ATXN2: variants seen among roughly 807,000 people sequenced by gnomAD.
The protein encoded by ATXN2 is ataxin-2.
A neutral mutation model predicts 138.6 loss-of-function variants in ATXN2; 37 were observed. That is an observed-to-expected ratio of 0.27 (90% CI 0.21 to 0.35). The LOEUF (loss-of-function observed/expected upper bound fraction) is 0.35. Among genes scored for constraint, ATXN2 ranks in the 10% least tolerant of loss-of-function variants. The pLI is 1.00. For missense variants in ATXN2, 1,216 were observed against 1,480.3 expected (o/e 0.82, Z 2.93); for synonymous variants, 549 against 543.7 (o/e 1.01, Z -0.13).
upstream of ATXN2, chr12:111,599,485 A>T (rs775766002): frequency 8.2e-7 from 1 of 1,213,938 alleles, no homozygotes; most frequent in South Asian, 3.6e-5. Context: ...CCACCGCGGG[A>T]CTCCGAGGAG....
chr12:111,545,293 G>A (rs762992992), intron 5 of ATXN2, among the ~76,000 whole-genome samples: 5 of 150,774 alleles, frequency 3.3e-5, no homozygotes, highest in Non-Finnish European at 5.9e-5. Context: ...TGGTATAAAA[G>A]AGCAAGGAGA....
At chr12:111,581,390 T>G in intron 1 of ATXN2, 1 of 680,628 alleles carries the variant, frequency 1.5e-6, no homozygotes, top group Non-Finnish European at 2.7e-6. Flanking sequence ...TGAACCACAA[T>G]GTCCAAACCT....
intron 20 of ATXN2, chr12:111,468,684 A>T (rs759536006): frequency 6.7e-6 from 1 of 149,420 alleles, no homozygotes; most frequent in Non-Finnish European, 1.5e-5. Context: ...GTTTGCCAGA[A>T]ATCTGTAAAT....
At chr12:111,471,874 C>T (rs993570299) in intron 18 of ATXN2, 1 of 151,968 alleles carries the variant, frequency 6.6e-6, no homozygotes, top group East Asian at 1.9e-4. Context: ...TTATTACCTT[C>T]CTGTATATTT....
At chr12:111,599,611 G>C, upstream of ATXN2, 1 of 1,079,582 alleles carries the variant, frequency 9.3e-7, no homozygotes, top group Non-Finnish European at 1.1e-6. Flanking sequence ...CAGAACGTGA[G>C]GTGGCCCCGG....
intron 21 of ATXN2, 159 bp from the exon 22 acceptor site, chr12:111,457,518 G>C: frequency 1.3e-6 from 1 of 761,850 alleles, no homozygotes. Context: ...CCATTGTCTT[G>C]AAAAAATAAG....
At chr12:111,510,363 C>T in intron 12 of ATXN2, 22 bp downstream of exon 12, 1 of 1,605,796 alleles carries the variant, frequency 6.2e-7, no homozygotes, top group Non-Finnish European at 8.5e-7. Context: ...GATTATGGAT[C>T]CAGAAGCCCT....
intron 1 of ATXN2, among the ~76,000 whole-genome samples, chr12:111,586,681 C>T (rs1015443458): frequency 2.0e-5 from 3 of 151,850 alleles, no homozygotes; most frequent in African/African-American, 4.8e-5. Flanking sequence ...CCACCACGCC[C>T]GGCCCTTTTT....
At chr12:111,584,681 T>G (rs1002240010) in intron 1 of ATXN2, among the ~76,000 whole-genome samples, 25 of 151,698 alleles carry the variant, frequency 1.6e-4, no homozygotes, top group African/African-American at 5.3e-4. Context: ...AATACAAAAA[T>G]TAGGCCGGGC....
chr12:111,510,124 T>G (rs1465906172), intron 12 of ATXN2, 126 bp from the exon 13 acceptor site: 1 of 785,740 alleles, frequency 1.3e-6, no homozygotes, highest in Non-Finnish European at 2.0e-6. Context: ...GAGGCTTTTT[T>G]TCCTTTGCAG....
intron 18 of ATXN2, among the ~76,000 whole-genome samples, chr12:111,472,558 A>G (rs944162014): frequency 6.6e-6 from 1 of 152,018 alleles, no homozygotes; most frequent in African/African-American, 2.4e-5. Context: ...CTTAAAGATA[A>G]ACTTTATTTT....
In ATXN2 at chr12:111,585,542, C is replaced by T. The variant is rs375693618; in HGVS notation, c.251+13242G>A. Among the ~76,000 whole-genome samples the T allele has an allele frequency of 2.7e-5, 4 of 150,498 alleles. No homozygotes were observed. The East Asian group carries it at 7.8e-4, about 29-fold the overall frequency. On this transcript the variant is annotated intron_variant, in intron 1 of 24. Transcript: ENST00000673436. ...AAAAAAAGCCAGGTGCGGTGGCTCA[C>T]GCCTGTGGTCCCGGCACTTTGGGAG...
intron 14 of ATXN2, among the ~76,000 whole-genome samples, chr12:111,492,469 G>A (rs867501629): frequency 6.6e-6 from 1 of 152,190 alleles, no homozygotes; most frequent in African/African-American, 2.4e-5. Flanking sequence ...AGATCACGAG[G>A]TTAGGAGTTC....
chr12:111,494,359 G>A (rs916268256), intron 14 of ATXN2, among the ~76,000 whole-genome samples: 1 of 151,490 alleles, frequency 6.6e-6, no homozygotes, highest in African/African-American at 2.4e-5. Context: ...TGCAATCAAA[G>A]TTTCAAGTTG....
At chr12:111,581,255 C>A (rs1883988264) in intron 1 of ATXN2, 1 of 383,866 alleles carries the variant, frequency 2.6e-6, no homozygotes. Flanking sequence ...AATTTCTTCA[C>A]CCGTAAATAG....
In ATXN2 at chr12:111,529,968, C is replaced by T. The variant is rs7136431; in HGVS notation, c.572-4652G>A. Among the ~76,000 whole-genome samples, 421 of 152,306 alleles carry T rather than the reference C, an allele frequency of 2.8e-3. 4 individuals are homozygous for T. Among genetic ancestry groups the T allele is most frequent in the African/African-American group, 9.6e-3 (398 of 41,576 alleles). On this transcript the variant is annotated intron_variant, in intron 5 of 24. Coordinates refer to ENST00000673436, the MANE Select transcript of ATXN2 (RefSeq NM_001372574.1). ...CCAGAGAAGTCATCAAAATCCTCAG[C>T]TAACCATTTCTTCTCAACTAAATCA...
At position 111,519,859 on chromosome 12, in the gene ATXN2, T is replaced by C; in HGVS notation, c.986+20A>G. 2 of 1,614,140 alleles carry C rather than the reference T, an allele frequency of 1.2e-6. No individual in the cohort carries two copies. The highest frequency in any genetic ancestry group is 1.7e-6 in the Non-Finnish European group (2 of 1,180,022). The stretch of plus-strand genomic sequence containing the variant: ...TGAGTTGTGTATCCAAAATACTGCA[T>C]CATGATTTCCTTTAAATACCTAGTG... On this transcript the variant is annotated intron_variant, in intron 8 of 24. Coordinates refer to ENST00000673436, the MANE Select transcript of ATXN2 (RefSeq NM_001372574.1).
chr12:111,591,178 C>A (rs1444148933), intron 1 of ATXN2, among the ~76,000 whole-genome samples: 2 of 152,020 alleles, frequency 1.3e-5, no homozygotes, highest in Non-Finnish European at 2.9e-5. Flanking sequence ...CGTGAGCCAC[C>A]GTGCCCGGCC....
chr12:111,581,669 G>C (rs781415717), intron 1 of ATXN2: 4 of 711,818 alleles, frequency 5.6e-6, no homozygotes, highest in African/African-American at 1.8e-5. Flanking sequence ...CAGGGCCCAG[G>C]CCTATGCCTT....
Sources: gnomAD v4.1 joint callset for allele counts (sites outside exome capture counted in the v4.1 genomes callset) on GRCh38, gnomAD v4.1.1 for gene constraint, MANE v1.5 for transcripts, NCBI Gene and HGNC (gene_info 2026-07-23, HGNC 2026-07-21) for gene names.